ASS1: variants seen among roughly 807,000 people sequenced by gnomAD.
ASS1 encodes argininosuccinate synthase.
Under a neutral mutation model 60.5 loss-of-function variants are expected in ASS1, and 58 were observed. The observed-to-expected ratio is 0.96, with a 90% CI of 0.78 to 1.19. The LOEUF is 1.19. Ranked by LOEUF, ASS1 falls within the 50% of genes most tolerant of loss-of-function variation. ASS1 has a pLI of 0.00. For synonymous variants in ASS1, 200 were observed against 206.9 expected (o/e 0.97, Z 0.29); for missense variants, 454 against 547.3 (o/e 0.83, Z 1.70).
At chr9:130,469,211 C>T (rs1194238702) in intron 6 of ASS1, among the ~76,000 whole-genome samples, 2 of 152,352 alleles carry the variant, frequency 1.3e-5, no homozygotes, top group African/African-American at 4.8e-5. Flanking sequence ...TCTTGCCTTG[C>T]ACAGGGTCCG....
At chr9:130,500,006 G>C (rs1846706348) in intron 14 of ASS1, among the ~76,000 whole-genome samples, 1 of 152,180 alleles carries the variant, frequency 6.6e-6, no homozygotes. Flanking sequence ...GGCCCAGGAG[G>C]GTGGTGCACG....
intron 1 of ASS1, 78 bp from the exon 2 acceptor site, chr9:130,452,146 G>T: frequency 7.8e-7 from 1 of 1,274,142 alleles, no homozygotes; most frequent in Non-Finnish European, 1.1e-6. Context: ...CCAAGGTCGG[G>T]GCTGGGCTGT....
chr9:130,449,192 G>C (rs757223002), intron 1 of ASS1, among the ~76,000 whole-genome samples: 19 of 152,248 alleles, frequency 1.2e-4, no homozygotes, highest in Non-Finnish European at 8.8e-5. Context: ...TTAGGCAGGT[G>C]TGGTGGCATG....
chr9:130,500,824 A>T (rs898693360), intron 14 of ASS1, 152 bp from the exon 15 acceptor site: 10 of 715,382 alleles, frequency 1.4e-5, no homozygotes, highest in Non-Finnish European at 2.5e-5. Context: ...AGGAGGGGCC[A>T]GGGCGGGAGA....
intron 8 of ASS1, among the ~76,000 whole-genome samples, chr9:130,473,055 C>T (rs1376598079): frequency 6.6e-6 from 1 of 152,156 alleles, no homozygotes; most frequent in Non-Finnish European, 1.5e-5. Flanking sequence ...GGTCCTGCGC[C>T]CTCCCAGGCC....
intron 1 of ASS1, among the ~76,000 whole-genome samples, chr9:130,449,101 C>G (rs1845266417): frequency 6.6e-6 from 1 of 152,120 alleles, no homozygotes; most frequent in African/African-American, 2.4e-5. Flanking sequence ...GAGGCTGAGG[C>G]AGGCAGATCG....
In ASS1 at chr9:130,471,596, A is replaced by G. The variant is rs641510; in HGVS notation, c.597+81A>G. The G allele has an allele frequency of 0.98, 1,503,636 of 1,528,868 alleles. 741,808 individuals carry two copies. The highest frequency in any genetic ancestry group is 1 in the East Asian group (44,362 of 44,364). 94.7% of individuals were successfully genotyped at this position (1,528,868 alleles called of 1,614,324 possible). A position where few individuals can be genotyped will look rare whatever the true frequency, so the allele number is the denominator to read the frequency against. ...CATGCCGATGCTGTCTGATGTATTTATAGCCTAATTTGAAATTTCACGGGG... is the reference window on the plus strand; with the variant it reads ...CATGCCGATGCTGTCTGATGTATTTGTAGCCTAATTTGAAATTTCACGGGG... On this transcript the variant is annotated intron_variant, in intron 8 of 14. Coordinates refer to ENST00000352480, the MANE Select transcript of ASS1 (RefSeq NM_054012.4).
chr9:130,495,162 C>G, intron 13 of ASS1, 139 bp downstream of exon 13: 1 of 1,210,896 alleles, frequency 8.3e-7, no homozygotes, highest in Non-Finnish European at 1.2e-6. Context: ...GATATAGACA[C>G]CACTATGCTC....
rs1846121849 is a variant in ASS1 at position 130,479,795 on chromosome 9, A to C, written c.768A>C (p.Glu256Asp). Residue 256 changes from glutamate to aspartate, a missense_variant, in exon 10 of 15, where the codon GAA becomes GAC. Physicochemically the swap from Glu to Asp is conservative, Grantham distance 45 (BLOSUM62 2). Transcript: ENST00000352480. Reference sequence around the variant, plus strand: ...TGGAGCTCTTCATGTACCTGAACGAAGTCGCGTGAGTGTCTGCAGCCCTGT... The same window carrying C: ...TGGAGCTCTTCATGTACCTGAACGACGTCGCGTGAGTGTCTGCAGCCCTGT... ...TSLELFMYLN[E>D]VAGKHGVGRI... is the part of the protein sequence containing the mutation. 6.2e-7 allele frequency: 1 copy of C among 1,613,924 alleles called. No homozygotes were observed. The highest frequency in any genetic ancestry group is 1.3e-5 in the African/African-American group (1 of 75,056).
Position 130,454,165 on chromosome 9 carries a change from C to T in ASS1, c.106-140C>T, listed in dbSNP as rs1401935187. ...CACCTCTCCAGGCCTTGGGCTTTGT[C>T]CTTTTTCCTTCTTACTGTGACTTGG... On this transcript the variant is annotated intron_variant, in intron 2 of 14. Coordinates refer to ENST00000352480, the MANE Select transcript of ASS1 (RefSeq NM_054012.4). The T allele has an allele frequency of 2.6e-5, 23 of 875,222 alleles. No homozygotes were observed. In the Admixed American group the frequency reaches 4.2e-4, roughly 16 times the overall value. The allele number at this position is 875,222 out of a possible 1,614,324, so 54.2% of individuals were successfully genotyped here.
At chr9:130,458,652 G>T in intron 4 of ASS1, 63 bp downstream of exon 4, 1 of 1,573,032 alleles carries the variant, frequency 6.4e-7, no homozygotes, top group South Asian at 1.1e-5. Context: ...GGAAGGAGAT[G>T]AGCACCCCTC....
chr9:130,455,771 C>G (rs920771469), intron 3 of ASS1, among the ~76,000 whole-genome samples: 2 of 152,266 alleles, frequency 1.3e-5, no homozygotes, highest in African/African-American at 4.8e-5. Flanking sequence ...ATGTGCAAGG[C>G]CACCAGCCCA....
intron 12 of ASS1, among the ~76,000 whole-genome samples, chr9:130,492,617 C>G (rs1846475052): frequency 6.6e-6 from 1 of 152,252 alleles, no homozygotes; most frequent in Admixed American, 6.5e-5. Flanking sequence ...CTTCAGGACC[C>G]TGGCAGGGCC....
chr9:130,451,506 G>A (rs961300497), intron 1 of ASS1: 19 of 319,480 alleles, frequency 5.9e-5, no homozygotes, highest in African/African-American at 3.9e-4. Context: ...GAGACACGAT[G>A]TCTAAAATTC....
rs1439112880 is a variant in ASS1 at position 130,470,082 on chromosome 9, G to A, written c.496-752G>A. Among the ~76,000 whole-genome samples, 1 of 152,172 alleles carries A rather than the reference G, an allele frequency of 6.6e-6. No individual in the cohort carries two copies. The highest frequency in any genetic ancestry group is 1.5e-5 in the Non-Finnish European group (1 of 68,030). ...GGATTCCAGTCGGGCGTCATCAAGG[G>A]TGGTGCGGGTCCCCAGGGCGACAAG... On this transcript the variant is annotated intron_variant, in intron 6 of 14. Transcript: ENST00000352480. This position sits in a 1 kb window ranked among gnomAD's most constrained non-coding sequence, Gnocchi z 4.3.
At chr9:130,461,380 G>A (rs1564905204) in intron 4 of ASS1, among the ~76,000 whole-genome samples, 1 of 136,998 alleles carries the variant, frequency 7.3e-6, no homozygotes, top group South Asian at 2.4e-4. Context: ...GAGGCCTTGG[G>A]GGCCGACAAA....
chr9:130,453,717 T>G (rs1159158574), intron 2 of ASS1, among the ~76,000 whole-genome samples: 2 of 152,166 alleles, frequency 1.3e-5, no homozygotes, highest in Admixed American at 1.3e-4. Flanking sequence ...GAGGCCAGGA[T>G]CTGGGCAGCA....
rs1442921829 is a variant in ASS1 at position 130,491,393 on chromosome 9, A to G, written c.970+1929A>G. 6.6e-6 allele frequency among the ~76,000 whole-genome samples: 1 copy of G among 152,148 alleles called. No individual in the cohort carries two copies. The highest frequency in any genetic ancestry group is 1.5e-5 in the Non-Finnish European group (1 of 68,014). Reference sequence around the variant, plus strand: ...GGCCACGGCTGCCACTTATCCTGCCATCTTGCTGCTAGGCTCTGAGCTGGG... The same window carrying G: ...GGCCACGGCTGCCACTTATCCTGCCGTCTTGCTGCTAGGCTCTGAGCTGGG... On this transcript the variant is annotated intron_variant, in intron 12 of 14. Transcript: ENST00000352480. This position sits in a 1 kb window ranked among gnomAD's most constrained non-coding sequence, Gnocchi z 5.3.
Position 130,464,117 on chromosome 9 carries a change from G to A in ASS1, c.370G>A (p.Asp124Asn), listed in dbSNP as rs936192871. The A allele has an allele frequency of 1.2e-5, 19 of 1,613,916 alleles. No individual in the cohort carries two copies. Among genetic ancestry groups the A allele is most frequent in the Middle Eastern group, 3.3e-4 (2 of 6,080 alleles). ...VSHGATGKGN[D>N]QVRFELSCYS... Reference sequence around the variant, plus strand: ...CCTCTGTTCTGCATTGCAGGGGAACGATCAGGTCCGGTTTGAGCTCAGCTG... The same window carrying A: ...CCTCTGTTCTGCATTGCAGGGGAACAATCAGGTCCGGTTTGAGCTCAGCTG... Residue 124 changes from aspartate (D) to asparagine (N), a missense_variant, in exon 5 of 15, where the codon GAT (aspartate) becomes AAT (asparagine). By Grantham distance (23) the Asp-to-Asn change is conservative. Transcript: ENST00000352480.
Sources: allele counts gnomAD v4.1 joint callset (sites outside exome capture counted in the v4.1 genomes callset), GRCh38; gene constraint gnomAD v4.1.1; non-coding constraint Gnocchi (gnomAD v3.1); transcripts MANE v1.5; gene names NCBI Gene and HGNC (gene_info 2026-07-23, HGNC 2026-07-21).